Variants in APBB2 observed in about 807,000 individuals in gnomAD.
APBB2 encodes amyloid beta precursor protein binding family B member 2, also known as Fe65-like 1.
APBB2 carries 38 observed loss-of-function variants against 82.5 expected under a neutral mutation model. The observed-to-expected ratio is 0.46, with a 90% confidence interval of 0.36 to 0.60. The LOEUF is 0.60. APBB2 is among the 20% of genes least tolerant of loss of function. APBB2 has a pLI of 0.00. For missense variants in APBB2, 772 were observed against 972.3 expected (o/e 0.79, Z 2.74); for synonymous variants, 341 against 368.2 (o/e 0.93, Z 0.85).
intron 6 of APBB2, among the ~76,000 whole-genome samples, chr4:40,960,824 T>A (rs1263885356): frequency 6.6e-6 from 1 of 152,138 alleles, no homozygotes; most frequent in Non-Finnish European, 1.5e-5. Flanking sequence ...TATAAACTTT[T>A]AGTTGGAAAC....
In APBB2 at chr4:41,033,230, T is replaced by A. The variant is rs1200051816; in HGVS notation, c.19+6A>T. ...CTGCATTGAAATATGAGAAAATGTA[T>A]CTGACCTGGAAGTACTTCTGACATG... On this transcript the variant is annotated splice_donor_region_variant and intron_variant, in intron 5 of 17. Transcript: ENST00000508593. 1.3e-6 allele frequency: 2 copies of A among 1,563,688 alleles called. No homozygotes were observed. The highest frequency in any genetic ancestry group is 1.8e-6 in the Non-Finnish European group (2 of 1,136,920).
intron 6 of APBB2, among the ~76,000 whole-genome samples, chr4:41,008,449 AGT>A (rs892970806): frequency 1.4e-5 from 2 of 145,468 alleles, no homozygotes; most frequent in African/African-American, 4.9e-5. Flanking sequence ...ATTTTCATTC[AGT>A]GTGTCATTAT....
chr4:40,926,378 C>G (rs1191219002), intron 10 of APBB2, among the ~76,000 whole-genome samples: 2 of 152,218 alleles, frequency 1.3e-5, no homozygotes, highest in Non-Finnish European at 2.9e-5. Context: ...TCCTCAAGCA[C>G]TGACCTTCCA....
At chr4:41,147,534 A>T (rs187750342) in intron 1 of APBB2, among the ~76,000 whole-genome samples, 1 of 129,576 alleles carries the variant, frequency 7.7e-6, no homozygotes, top group East Asian at 2.3e-4. Flanking sequence ...CTTGTCTCCC[A>T]GGCTGGAGTG....
intron 12 of APBB2, among the ~76,000 whole-genome samples, chr4:40,886,710 G>A (rs2154349319): frequency 6.6e-6 from 1 of 152,232 alleles, no homozygotes; most frequent in East Asian, 1.9e-4. Context: ...TCGGTCATTG[G>A]CCTCAGTCGC....
At chr4:41,064,362 T>C (rs1000640067) in intron 4 of APBB2, among the ~76,000 whole-genome samples, 4 of 152,118 alleles carry the variant, frequency 2.6e-5, no homozygotes, top group African/African-American at 9.7e-5. Context: ...AGAAAAAAAC[T>C]GAGCTGCACA....
intron 6 of APBB2, among the ~76,000 whole-genome samples, chr4:40,982,774 G>A (rs1799442399): frequency 7.1e-6 from 1 of 141,678 alleles, no homozygotes; most frequent in Admixed American, 7.2e-5. Flanking sequence ...CTGGGCAACA[G>A]AGACCCTGTC....
intron 12 of APBB2, among the ~76,000 whole-genome samples, chr4:40,837,466 G>A (rs1446168393): frequency 6.6e-6 from 1 of 152,242 alleles, no homozygotes. Flanking sequence ...CATCTCGTCT[G>A]TAAAACCACA....
Position 40,825,975 on chromosome 4 carries a change from A to C in APBB2, c.1733-5T>G. On this transcript the variant is annotated splice_region_variant and splice_polypyrimidine_tract_variant and intron_variant, in intron 14 of 17. Transcript: ENST00000508593. The stretch of plus-strand genomic sequence containing the variant: ...TCTTTGGTGTTGGAAAATCTACTAC[A>C]GGGAACAAAAGCAACACATCTTTCT... 3 of 1,611,838 alleles carry C rather than the reference A, an allele frequency of 1.9e-6. No individual in the cohort carries two copies. The highest frequency in any genetic ancestry group is 2.5e-6 in the Non-Finnish European group (3 of 1,177,924).
chr4:40,842,464 G>C (rs184514024), intron 12 of APBB2: 4 of 422,916 alleles, frequency 9.5e-6, no homozygotes, highest in Middle Eastern at 3.6e-4. Context: ...CCCGTTAACA[G>C]CGAGTCTGAG....
chr4:40,853,485 C>T (rs568510053), intron 12 of APBB2, among the ~76,000 whole-genome samples: 2 of 151,530 alleles, frequency 1.3e-5, no homozygotes, highest in African/African-American at 4.8e-5. Context: ...GAGTTTCGCT[C>T]GTTGTCCAGG....
intron 4 of APBB2, among the ~76,000 whole-genome samples, chr4:41,065,063 G>A (rs1731234801): frequency 6.6e-6 from 1 of 152,082 alleles, no homozygotes; most frequent in Non-Finnish European, 1.5e-5. Flanking sequence ...AGGTGGGTGG[G>A]ATCTCTTGAG....
intron 12 of APBB2, among the ~76,000 whole-genome samples, chr4:40,837,886 C>T (rs1326025532): frequency 6.6e-6 from 1 of 152,140 alleles, no homozygotes; most frequent in African/African-American, 2.4e-5. Flanking sequence ...GTGTTTCCAA[C>T]TCTTTTCATT....
Position 41,100,624 on chromosome 4 carries a change from T to C in APBB2, c.-149+15A>G, listed in dbSNP as rs1332491748. The C allele has an allele frequency of 6.6e-6, 1 of 152,148 alleles. No individual in the cohort carries two copies. Among genetic ancestry groups the C allele is most frequent in the African/African-American group, 2.4e-5 (1 of 41,450 alleles). The allele number at this position is 152,148 out of a possible 1,614,324, so 9.4% of individuals were successfully genotyped here. A position where few individuals can be genotyped will look rare whatever the true frequency, so the allele number is the denominator to read the frequency against. On this transcript the variant is annotated intron_variant, in intron 3 of 17. Coordinates refer to ENST00000508593, the MANE Select transcript of APBB2 (RefSeq NM_004307.2). Reference sequence around the variant, plus strand: ...TATAACAGAATTTTTTAAAAGCAAGTTTAAAATTACTTACTTTTCCCAGGT... The same window carrying C: ...TATAACAGAATTTTTTAAAAGCAAGCTTAAAATTACTTACTTTTCCCAGGT...
chr4:40,819,886 C>T (rs1274250681), intron 17 of APBB2, among the ~76,000 whole-genome samples: 1 of 152,174 alleles, frequency 6.6e-6, no homozygotes, highest in Admixed American at 6.5e-5. Flanking sequence ...CATCGTAGCT[C>T]ACTGCACCTC....
At chr4:40,920,915 C>T (rs1317116530) in intron 10 of APBB2, among the ~76,000 whole-genome samples, 1 of 152,158 alleles carries the variant, frequency 6.6e-6, no homozygotes, top group African/African-American at 2.4e-5. Context: ...GGCTGACCTA[C>T]ACTGAGAGGA....
At chr4:41,008,883 C>T (rs1579204602) in intron 6 of APBB2, among the ~76,000 whole-genome samples, 1 of 152,346 alleles carries the variant, frequency 6.6e-6, no homozygotes, top group South Asian at 2.1e-4. Flanking sequence ...CGCATTGCCA[C>T]ACCCATCTAG....
intron 6 of APBB2, among the ~76,000 whole-genome samples, chr4:40,976,578 A>T (rs890655146): frequency 6.6e-6 from 1 of 152,186 alleles, no homozygotes; most frequent in Admixed American, 6.5e-5. Flanking sequence ...TAGAGATTAA[A>T]CAGCAGTTAA....
chr4:41,185,983 C>T (rs1481802846), intron 1 of APBB2, among the ~76,000 whole-genome samples: 1 of 152,166 alleles, frequency 6.6e-6, no homozygotes, highest in African/African-American at 2.4e-5. Flanking sequence ...AGCTACTATA[C>T]TGGTCTGTAA....
Sources: gnomAD v4.1 joint callset for allele counts (sites outside exome capture counted in the v4.1 genomes callset) on GRCh38, gnomAD v4.1.1 for gene constraint, MANE v1.5 for transcripts, NCBI Gene and HGNC (gene_info 2026-07-23, HGNC 2026-07-21) for gene names.